RABGEF1: variants seen among roughly 807,000 people sequenced by gnomAD.
RABGEF1 encodes the protein rab5 GDP/GTP exchange factor.
A neutral mutation model predicts 57.3 loss-of-function variants in RABGEF1; 26 were observed. That is an observed-to-expected ratio of 0.45 (90% CI 0.33 to 0.63). The LOEUF is 0.63. Ranked by LOEUF, RABGEF1 falls within the 20% of genes least tolerant of loss-of-function variation. The pLI is 0.02. For synonymous variants in RABGEF1, 185 were observed against 210.7 expected, an observed-to-expected ratio of 0.88 and a Z score of 1.06; for missense variants, 464 against 607.6, an observed-to-expected ratio of 0.76 and a Z score of 2.48.
chr7:66,766,503 C>T (rs1183300362), intron 1 of RABGEF1, among the ~76,000 whole-genome samples: 1 of 151,970 alleles, frequency 6.6e-6, no homozygotes, highest in Non-Finnish European at 1.5e-5. Flanking sequence ...CTACCTCAGC[C>T]TTATCTACTA....
the RABGEF1 span, among the ~76,000 whole-genome samples, chr7:66,675,326 G>A: frequency 6.6e-6 from 1 of 151,952 alleles, no homozygotes; most frequent in Non-Finnish European, 1.5e-5. Context: ...GCTATTCGGG[G>A]GGCCGAGGCA....
chr7:66,787,900 A>G (rs1281282669), intron 4 of RABGEF1, among the ~76,000 whole-genome samples: 1 of 152,218 alleles, frequency 6.6e-6, no homozygotes, highest in East Asian at 1.9e-4. Context: ...TTTTCTGTAA[A>G]TTATTTATAT....
At chr7:66,745,118 G>C (rs1199078104) in intron 1 of RABGEF1, among the ~76,000 whole-genome samples, 1 of 151,996 alleles carries the variant, frequency 6.6e-6, no homozygotes, top group Non-Finnish European at 1.5e-5. Context: ...CGTGAACCCG[G>C]GAGGCGGAGC....
At chr7:66,795,649 C>T (rs923622013) in intron 5 of RABGEF1, 57 bp downstream of exon 5, 7 of 1,444,676 alleles carry the variant, frequency 4.8e-6, no homozygotes, top group African/African-American at 4.2e-5. Flanking sequence ...ACTGCTCAGT[C>T]TCTTAGCAAT....
chr7:66,789,410 C>T (rs757839138), intron 4 of RABGEF1, among the ~76,000 whole-genome samples: 2 of 152,030 alleles, frequency 1.3e-5, no homozygotes, highest in African/African-American at 2.4e-5. Flanking sequence ...AGGCCGGGTG[C>T]GGTGGCTTAC....
chr7:66,750,666 A>G lies in RABGEF1; in HGVS notation c.-18+9874A>G, dbSNP rs559581126. ...ACACACATATAATGGTGCTTGAGAAATAAGTTGAGATTATTTTAAGGTTAA... is the reference window on the plus strand; with the variant it reads ...ACACACATATAATGGTGCTTGAGAAGTAAGTTGAGATTATTTTAAGGTTAA... On this transcript the variant is annotated intron_variant, in intron 1 of 8. Transcript: ENST00000284957. Among the ~76,000 whole-genome samples the G allele has an allele frequency of 3.3e-5, 5 of 152,366 alleles. No individual in the cohort carries two copies. The South Asian group carries it at 6.2e-4, about 19-fold the overall frequency.
chr7:66,712,662 G>C (rs1428555970), intron 2 of RABGEF1, among the ~76,000 whole-genome samples: 1 of 152,034 alleles, frequency 6.6e-6, no homozygotes, highest in Non-Finnish European at 1.5e-5. Flanking sequence ...GGTAGAGACA[G>C]GGTTTCACCA....
At position 66,716,594 on chromosome 7, in the gene RABGEF1, C is replaced by A. The variant is rs187377496; in HGVS notation, c.-815+4370C>A. Among the ~76,000 whole-genome samples, 345 of 152,200 alleles carry A rather than the reference C, an allele frequency of 2.3e-3. 2 individuals carry two copies. Among genetic ancestry groups the A allele is most frequent in the African/African-American group, 8.1e-3 (337 of 41,528 alleles). ...CCAGGCTGAGTGAAAGAGCAAGACT[C>A]TGTCTCAGAATAAATAAATAAATAA... On this transcript the variant is annotated intron_variant and NMD_transcript_variant, in intron 2 of 9. Transcript: ENST00000607882.
At chr7:66,769,160 A>G (rs1220103058) in intron 1 of RABGEF1, 6 of 152,452 alleles carry the variant, frequency 3.9e-5, no homozygotes, top group East Asian at 3.9e-4. Context: ...GTTGGAAGAA[A>G]GTGGTAATCT....
At chr7:66,690,949 A>T (rs1791432527) in intron 1 of RABGEF1, among the ~76,000 whole-genome samples, 1 of 150,184 alleles carries the variant, frequency 6.7e-6, no homozygotes, top group African/African-American at 2.4e-5. Context: ...AAATTAGCCG[A>T]GTGTGGTGGG....
chr7:66,657,490 C>G, the RABGEF1 span, among the ~76,000 whole-genome samples: 2 of 152,110 alleles, frequency 1.3e-5, no homozygotes, highest in African/African-American at 4.8e-5. Context: ...GTTAAAGCAG[C>G]GTTCAGAGGG....
chr7:66,764,667 C>T (rs551698890), intron 1 of RABGEF1, among the ~76,000 whole-genome samples: 4 of 152,296 alleles, frequency 2.6e-5, no homozygotes, highest in African/African-American at 9.6e-5. Context: ...TAACATCGTT[C>T]TTTTGCATGT....
chr7:66,735,756 G>GT (rs2129041130), upstream of RABGEF1, among the ~76,000 whole-genome samples: 1 of 152,254 alleles, frequency 6.6e-6, no homozygotes, highest in South Asian at 2.1e-4. Flanking sequence ...TGCCATGATT[G>GT]TAAGTTTCCA....
chr7:66,786,122 C>G (rs1337346966), intron 4 of RABGEF1, among the ~76,000 whole-genome samples: 1 of 152,080 alleles, frequency 6.6e-6, no homozygotes, highest in African/African-American at 2.4e-5. Context: ...CTGCTCTTGC[C>G]CACATCTTTC....
upstream of RABGEF1, among the ~76,000 whole-genome samples, chr7:66,677,948 CCAGCTACTTGGGGGGCTGAGGCAA>C (rs1460928976): frequency 6.6e-6 from 1 of 151,460 alleles, no homozygotes; most frequent in African/African-American, 2.4e-5. Flanking sequence ...ACCTGTAGTC[CCAGCTACTTGGGGGGCTGAGGCAA>C]GACATCTCTT....
chr7:66,761,976 G>A (rs1417039059), intron 1 of RABGEF1, among the ~76,000 whole-genome samples: 3 of 151,968 alleles, frequency 2.0e-5, no homozygotes, highest in South Asian at 2.1e-4. Context: ...ACTTGAACCC[G>A]GGAGGTAGCG....
intron 1 of RABGEF1, among the ~76,000 whole-genome samples, chr7:66,748,185 A>G (rs1356407379): frequency 1.3e-5 from 2 of 152,194 alleles, no homozygotes; most frequent in Non-Finnish European, 2.9e-5. Flanking sequence ...TGTGTTAGTA[A>G]AACTCCTTAT....
rs1164399578 is a variant in RABGEF1 at position 66,768,333 on chromosome 7, T to A, written c.-17-3550T>A. Among the ~76,000 whole-genome samples, 3 of 152,336 alleles carry A rather than the reference T, an allele frequency of 2.0e-5. No homozygotes were observed. In the East Asian group the frequency reaches 5.8e-4, roughly 29 times the overall value. Reference sequence around the variant, plus strand: ...GAAATGTGGGACACCAGTGTATATATCTTCTTTGTTAAAGTGTCTGTTGAG... The same window carrying A: ...GAAATGTGGGACACCAGTGTATATAACTTCTTTGTTAAAGTGTCTGTTGAG... On this transcript the variant is annotated intron_variant, in intron 1 of 8. Transcript: ENST00000284957.
At chr7:66,673,773 G>A in the RABGEF1 span, among the ~76,000 whole-genome samples, 1 of 151,322 alleles carries the variant, frequency 6.6e-6, no homozygotes, top group African/African-American at 2.4e-5. Context: ...CCAGTTATTC[G>A]GGAGGCTGAG....
Sources: allele counts gnomAD v4.1 joint callset (sites outside exome capture counted in the v4.1 genomes callset), GRCh38; gene constraint gnomAD v4.1.1; transcripts MANE v1.5; gene names NCBI Gene and HGNC (gene_info 2026-07-23, HGNC 2026-07-21).